The following KATNA1 variants were observed in gnomAD, a reference collection of about 807,000 sequenced individuals.
KATNA1 encodes the protein katanin p60 ATPase-containing subunit A1.
Under a neutral mutation model 62.6 loss-of-function variants are expected in KATNA1, and 42 were observed. That is an observed-to-expected ratio of 0.67 (90% CI 0.52 to 0.87). The LOEUF (loss-of-function observed/expected upper bound fraction) is 0.87. Ranked by LOEUF, KATNA1 falls within the 40% of genes least tolerant of loss-of-function variation. KATNA1 has a pLI of 0.00. For synonymous variants in KATNA1, 186 were observed against 201.9 expected, an observed-to-expected ratio of 0.92 and a Z score of 0.67; for missense variants, 498 against 612.5, an observed-to-expected ratio of 0.81 and a Z score of 1.97.
intron 1 of KATNA1, among the ~76,000 whole-genome samples, chr6:149,640,316 G>A (rs1476317281): frequency 6.6e-6 from 1 of 151,954 alleles, no homozygotes; most frequent in African/African-American, 2.4e-5. Flanking sequence ...AATTAGCAGA[G>A]CATGGTGGTG....
intron 3 of KATNA1, among the ~76,000 whole-genome samples, chr6:149,626,312 T>TTTTTTTTTTTTTA (rs1779606276): frequency 7.2e-6 from 1 of 139,798 alleles, no homozygotes; most frequent in African/African-American, 2.7e-5. Flanking sequence ...TTTTTTTTTT[T>TTTTTTTTTTTTTA]GAGACGGAGT....
chr6:149,598,989 C>T lies in KATNA1; in HGVS notation c.889-639G>A, dbSNP rs139791199. Among the ~76,000 whole-genome samples, 132 of 152,050 alleles carry T rather than the reference C, an allele frequency of 8.7e-4. 1 individual carries two copies. In the Middle Eastern group the frequency reaches 0.021, roughly 24 times the overall value. ...AAGCAATCCTCTCACCTCAACCTCC[C>T]GAGTAGCTAGGACTACAGGTGTGTG... is the stretch of plus-strand genomic sequence containing the variant. On this transcript the variant is annotated intron_variant, in intron 7 of 10. Transcript: ENST00000367411.
intron 10 of KATNA1, among the ~76,000 whole-genome samples, chr6:149,596,692 G>C (rs998218984): frequency 6.6e-6 from 1 of 151,806 alleles, no homozygotes; most frequent in African/African-American, 2.4e-5. Flanking sequence ...TCCTGCCTCA[G>C]CTTCCTGAGC....
At chr6:149,597,761 T>G (rs2115074652) in intron 8 of KATNA1, 120 bp from the exon 9 acceptor site, 10 of 909,834 alleles carry the variant, frequency 1.1e-5, no homozygotes, top group Middle Eastern at 2.8e-4. Context: ...ACAGTCTTAA[T>G]GCCTCCTTAA....
chr6:149,647,460 T>G (rs1582820299), intron 1 of KATNA1, among the ~76,000 whole-genome samples: 1 of 136,486 alleles, frequency 7.3e-6, no homozygotes, highest in African/African-American at 2.8e-5. Flanking sequence ...GAGGCGGAGG[T>G]TGCAGTGAGC....
intron 3 of KATNA1, among the ~76,000 whole-genome samples, chr6:149,630,844 T>C (rs1779801894): frequency 6.6e-6 from 1 of 151,958 alleles, no homozygotes; most frequent in African/African-American, 2.4e-5. Context: ...TAATTAGAGA[T>C]TGTTAGGACT....
At chr6:149,607,308 A>G (rs552181606) in intron 4 of KATNA1, among the ~76,000 whole-genome samples, 2 of 152,316 alleles carry the variant, frequency 1.3e-5, no homozygotes, top group South Asian at 4.1e-4. Flanking sequence ...TCTTTTAGAT[A>G]TACATCTATC....
intron 4 of KATNA1, 56 bp from the exon 5 acceptor site, chr6:149,604,838 T>C (rs1465703353): frequency 4.5e-6 from 7 of 1,555,996 alleles, no homozygotes; most frequent in Non-Finnish European, 5.3e-6. Context: ...TTTCTGTGAG[T>C]CGGAAACACA....
chr6:149,636,141 T>C (rs1201536021), intron 2 of KATNA1, among the ~76,000 whole-genome samples: 2 of 152,028 alleles, frequency 1.3e-5, no homozygotes, highest in African/African-American at 4.8e-5. Context: ...AAGATGATAA[T>C]GTTTTGCTTT....
chr6:149,637,395 C>G (rs1300238079), intron 2 of KATNA1, among the ~76,000 whole-genome samples: 1 of 152,026 alleles, frequency 6.6e-6, no homozygotes, highest in African/African-American at 2.4e-5. Context: ...AGAGCAAGAC[C>G]CTCTCTCAAA....
chr6:149,596,805 T>G (rs938320496), intron 10 of KATNA1, among the ~76,000 whole-genome samples: 1 of 152,044 alleles, frequency 6.6e-6, no homozygotes, highest in Non-Finnish European at 1.5e-5. Flanking sequence ...TCAAGTGATC[T>G]CCCACTTGGC....
chr6:149,645,356 T>C (rs1283423665), intron 1 of KATNA1, among the ~76,000 whole-genome samples: 1 of 149,770 alleles, frequency 6.7e-6, no homozygotes, highest in Non-Finnish European at 1.5e-5. Flanking sequence ...GGCAGGAGAA[T>C]GGCATGAACC....
At chr6:149,609,328 T>C (rs1171052226) in intron 4 of KATNA1, among the ~76,000 whole-genome samples, 2 of 151,758 alleles carry the variant, frequency 1.3e-5, no homozygotes, top group Non-Finnish European at 2.9e-5. Flanking sequence ...AGATTTCTTC[T>C]CAGAAAAGCA....
chr6:149,644,489 G>A (rs184425551), intron 1 of KATNA1, among the ~76,000 whole-genome samples: 1 of 152,048 alleles, frequency 6.6e-6, no homozygotes, highest in East Asian at 1.9e-4. Context: ...GGGCATGACA[G>A]GGCACACCTG....
chr6:149,632,209 T>C (rs1024343661), intron 3 of KATNA1, among the ~76,000 whole-genome samples: 6 of 151,814 alleles, frequency 4.0e-5, no homozygotes, highest in African/African-American at 1.2e-4. Context: ...CTGGCCAACA[T>C]GGTGAAACCC....
chr6:149,616,810 A>G (rs955371750), intron 4 of KATNA1, among the ~76,000 whole-genome samples: 2 of 152,174 alleles, frequency 1.3e-5, no homozygotes, highest in African/African-American at 4.8e-5. Context: ...CTTCTTGTAT[A>G]TATCCAAAAA....
intron 8 of KATNA1, 125 bp downstream of exon 8, chr6:149,598,099 C>G: frequency 9.7e-7 from 1 of 1,030,238 alleles, no homozygotes; most frequent in Non-Finnish European, 1.4e-6. Context: ...TCTAGTCCAT[C>G]TGAAGTTAAG....
intron 4 of KATNA1, among the ~76,000 whole-genome samples, chr6:149,616,138 A>G (rs1185663098): frequency 6.6e-6 from 1 of 152,170 alleles, no homozygotes; most frequent in Admixed American, 6.6e-5. Flanking sequence ...CTGAAAATGA[A>G]TGGTTGTGAT....
At chr6:149,605,534 T>C (rs181315529) in intron 4 of KATNA1, among the ~76,000 whole-genome samples, 28 of 152,268 alleles carry the variant, frequency 1.8e-4, no homozygotes, top group African/African-American at 6.5e-4. Flanking sequence ...ATCTCAGTCC[T>C]TACATGGGAT....
Sources: gnomAD v4.1 joint callset for allele counts (sites outside exome capture counted in the v4.1 genomes callset) on GRCh38, gnomAD v4.1.1 for gene constraint, MANE v1.5 for transcripts, NCBI Gene and HGNC (gene_info 2026-07-23, HGNC 2026-07-21) for gene names.